The following DNAH9 variants were observed in gnomAD, a reference collection of about 807,000 sequenced individuals.
DNAH9 encodes dynein axonemal heavy chain 9, also known as DNAH9 variant protein.
A neutral mutation model predicts 471.6 loss-of-function variants in DNAH9; 345 were observed. The ratio of observed to expected loss-of-function variants is 0.73; its 90% confidence interval spans 0.67 to 0.80. DNAH9 has a LOEUF of 0.80. Ranked by LOEUF, DNAH9 falls within the 30% of genes least tolerant of loss-of-function variation. DNAH9 has a pLI of 0.00. For missense variants in DNAH9, 5,407 were observed against 5,609.2 expected, an observed-to-expected ratio of 0.96 and a Z score of 1.15; for synonymous variants, 2,093 against 2,123.6, an observed-to-expected ratio of 0.99 and a Z score of 0.40.
Position 11,781,079 on chromosome 17 carries a change from C to T in DNAH9, c.7623C>T (p.Ile2541=), listed in dbSNP as rs771379686. Reference sequence around the variant, plus strand: ...GCCCTCCAGGGAACAAGAAACTCATCTATTTCATTGATGACATGAACATGC... The same window carrying T: ...GCCCTCCAGGGAACAAGAAACTCATTTATTTCATTGATGACATGAACATGC... ...NYGPPGNKKL[I]YFIDDMNMPE... The change falls in exon 39 of 69, where the codon ATC becomes ATT. Residue 2541 remains isoleucine, a synonymous_variant. Coordinates refer to ENST00000262442, the MANE Select transcript of DNAH9 (RefSeq NM_001372.4). 2 of 1,614,174 alleles carry T rather than the reference C, an allele frequency of 1.2e-6. No individual in the cohort carries two copies. Among genetic ancestry groups the T allele is most frequent in the South Asian group, 2.2e-5 (2 of 91,080 alleles).
chr17:11,964,855 C>CG (rs1476257307), intron 68 of DNAH9, among the ~76,000 whole-genome samples: 2 of 151,404 alleles, frequency 1.3e-5, no homozygotes, highest in Non-Finnish European at 3.0e-5. Context: ...CTGTTCCCCA[C>CG]CCCCCCACAA....
At chr17:11,855,564 GA>G (rs1487613251) in intron 50 of DNAH9, among the ~76,000 whole-genome samples, 2 of 152,112 alleles carry the variant, frequency 1.3e-5, no homozygotes, top group African/African-American at 4.8e-5. Context: ...TGTAGGTAAG[GA>G]AAAAGGCCAA....
intron 28 of DNAH9, among the ~76,000 whole-genome samples, chr17:11,730,642 C>T (rs375130076): frequency 4.6e-5 from 7 of 152,244 alleles, no homozygotes; most frequent in South Asian, 4.2e-4. Flanking sequence ...CTCCTTGAGG[C>T]AGTTGTAATA....
chr17:11,598,587 C>T lies in DNAH9; in HGVS notation c.89C>T (p.Thr30Ile). 7.5e-7 allele frequency: 1 copy of T among 1,328,888 alleles called. No individual in the cohort carries two copies. The highest frequency in any genetic ancestry group is 9.7e-7 in the Non-Finnish European group (1 of 1,030,030). 82.3% of individuals were successfully genotyped at this position (1,328,888 alleles called of 1,614,324 possible). A position where few individuals can be genotyped will look rare whatever the true frequency, so the allele number is the denominator to read the frequency against. ...GADRRLRLLG[T>I]YVAMSLRPAA... Reference sequence around the variant, plus strand: ...GACCGACGACTGCGACTCCTGGGGACCTACGTGGCCATGAGCCTGCGGCCG... The same window carrying T: ...GACCGACGACTGCGACTCCTGGGGATCTACGTGGCCATGAGCCTGCGGCCG... The change falls in exon 1 of 69, where the codon ACC becomes ATC. Residue 30 changes from threonine (T) to isoleucine (I), a missense_variant. Thr to Ile is a moderately conservative substitution (Grantham distance 89, BLOSUM62 -1). Coordinates refer to ENST00000262442, the MANE Select transcript of DNAH9 (RefSeq NM_001372.4).
intron 32 of DNAH9, among the ~76,000 whole-genome samples, chr17:11,750,615 T>C (rs540530556): frequency 7.9e-5 from 12 of 152,060 alleles, no homozygotes; most frequent in Non-Finnish European, 1.5e-4. Context: ...TAGAAACAAA[T>C]AGCAAGAAAG....
At chr17:11,882,557 A>G (rs532681986) in intron 55 of DNAH9, among the ~76,000 whole-genome samples, 2 of 152,304 alleles carry the variant, frequency 1.3e-5, no homozygotes, top group South Asian at 4.1e-4. Flanking sequence ...CCTAGGGAGC[A>G]CCACCTCTGT....
intron 48 of DNAH9, among the ~76,000 whole-genome samples, chr17:11,833,394 C>A (rs978918062): frequency 6.6e-6 from 1 of 152,206 alleles, no homozygotes; most frequent in African/African-American, 2.4e-5. Context: ...AGAAAGTCAG[C>A]CACCATTACT....
intron 67 of DNAH9, among the ~76,000 whole-genome samples, chr17:11,943,508 C>G (rs968235355): frequency 6.6e-6 from 1 of 151,984 alleles, no homozygotes; most frequent in Non-Finnish European, 1.5e-5. Context: ...GAAACCCCGT[C>G]TCTACTAAAA....
In DNAH9 at chr17:11,701,297, C is replaced by A. The variant is rs1346613119; in HGVS notation, c.5151+50C>A. 6 of 1,593,096 alleles carry A rather than the reference C, an allele frequency of 3.8e-6. No individual in the cohort carries two copies. In the East Asian group the frequency reaches 1.3e-4, roughly 36 times the overall value. ...CCTCCATGGTTGGGGCTGTCTTCCT[C>A]CGCAGCCTCCCCCAGCCTTCAGCAG... On this transcript the variant is annotated intron_variant, in intron 24 of 68. Coordinates refer to ENST00000262442, the MANE Select transcript of DNAH9 (RefSeq NM_001372.4).
At chr17:11,905,525 C>A (rs186554579) in intron 60 of DNAH9, 136 bp from the exon 61 acceptor site, 6 of 881,414 alleles carry the variant, frequency 6.8e-6, no homozygotes, top group Non-Finnish European at 1.0e-5. Context: ...GGACTTGGAG[C>A]CAGTCCTAGC....
At position 11,808,016 on chromosome 17, in the gene DNAH9, T is replaced by C. The variant is rs550284684; in HGVS notation, c.8583+122T>C. The C allele has an allele frequency of 4.0e-4, 470 of 1,179,882 alleles. 7 individuals carry two copies. The South Asian group carries it at 7.3e-3, about 18-fold the overall frequency. 73.1% of individuals were successfully genotyped at this position (1,179,882 alleles called of 1,614,324 possible). A position where few individuals can be genotyped will look rare whatever the true frequency, so the allele number is the denominator to read the frequency against. On this transcript the variant is annotated intron_variant, in intron 44 of 68. Coordinates refer to ENST00000262442, the MANE Select transcript of DNAH9 (RefSeq NM_001372.4). ...AGCCTCCCCTTCAATGTCTGTCCATTTCTGTCTTAGGTTCTGGGCTGGTGA... is the reference window on the plus strand; with the variant it reads ...AGCCTCCCCTTCAATGTCTGTCCATCTCTGTCTTAGGTTCTGGGCTGGTGA...
intron 67 of DNAH9, among the ~76,000 whole-genome samples, chr17:11,948,912 C>T (rs1161495811): frequency 6.6e-6 from 1 of 152,172 alleles, no homozygotes; most frequent in Non-Finnish European, 1.5e-5. Context: ...TGCCCTGTCC[C>T]CTGGCCCTCT....
chr17:11,706,733 AC>A (rs1458160827), intron 26 of DNAH9, among the ~76,000 whole-genome samples: 1 of 152,168 alleles, frequency 6.6e-6, no homozygotes. Context: ...TTCACACGTA[AC>A]TTTTTTCTAT....
Position 11,651,092 on chromosome 17 carries a change from G to A in DNAH9, c.2121G>A (p.Met707Ile), listed in dbSNP as rs761948731. ...NPQLISVLKE[M>I]SYLEPREMKH... ...AGCTGATTTCAGTGCTGAAAGAAAT[G>A]AGCTATCTTGAACCCAGAGAGATGA... is the stretch of plus-strand genomic sequence containing the variant. Residue 707 changes from methionine to isoleucine, a missense_variant, in exon 13 of 69, where the codon ATG becomes ATA. This residue lies in a region of DNAH9 where 4,636 missense variants were observed against 4,900.3 expected (regional missense o/e 0.95). Coordinates refer to ENST00000262442, the MANE Select transcript of DNAH9 (RefSeq NM_001372.4). 8 of 1,613,806 alleles carry A rather than the reference G, an allele frequency of 5.0e-6. No homozygotes were observed. The highest frequency in any genetic ancestry group is 6.8e-6 in the Non-Finnish European group (8 of 1,179,904).
chr17:11,605,353 A>G (rs2072478849), intron 1 of DNAH9, among the ~76,000 whole-genome samples: 2 of 152,160 alleles, frequency 1.3e-5, no homozygotes, highest in South Asian at 2.1e-4. Flanking sequence ...TATAAGCTTC[A>G]TGAGGTCAGA....
chr17:11,868,213 G>T (rs900760495), intron 50 of DNAH9, among the ~76,000 whole-genome samples: 2 of 152,168 alleles, frequency 1.3e-5, no homozygotes, highest in African/African-American at 4.8e-5. Flanking sequence ...AGGTAAATGA[G>T]CATGGCCAGT....
intron 24 of DNAH9, among the ~76,000 whole-genome samples, chr17:11,703,905 T>G (rs1200585372): frequency 6.6e-6 from 1 of 152,176 alleles, no homozygotes; most frequent in Admixed American, 6.5e-5. Flanking sequence ...AAAGACTGAT[T>G]CATCCCCGTC....
chr17:11,826,351 C>T (rs1487702255), intron 48 of DNAH9, among the ~76,000 whole-genome samples: 2 of 110,354 alleles, frequency 1.8e-5, no homozygotes, highest in East Asian at 2.5e-4. Flanking sequence ...TTCCCCAGGC[C>T]GGAAGCTGGG....
chr17:11,629,689 G>A, intron 7 of DNAH9, 105 bp downstream of exon 7: 1 of 1,028,966 alleles, frequency 9.7e-7, no homozygotes. Flanking sequence ...ATTTCCTTTG[G>A]CTCTGTGGTC....
Sources: gnomAD v4.1 joint callset for allele counts (sites outside exome capture counted in the v4.1 genomes callset) on GRCh38, gnomAD v4.1.1 for gene constraint, gnomAD v4.1.1 regional missense constraint, MANE v1.5 for transcripts, NCBI Gene and HGNC (gene_info 2026-07-23, HGNC 2026-07-21) for gene names.